The following EIF2S3 variants were observed in gnomAD, a reference collection of about 807,000 sequenced individuals.
The protein encoded by EIF2S3 is eukaryotic translation initiation factor 2 subunit 3.
Under a neutral mutation model 31.7 loss-of-function variants are expected in EIF2S3, and 2 were observed. The ratio of observed to expected loss-of-function variants is 0.06; its 90% CI spans 0.03 to 0.20. EIF2S3 has a LOEUF of 0.20. EIF2S3 is among the 10% of genes least tolerant of loss of function. The pLI is 1.00. For synonymous variants in EIF2S3, 120 were observed against 126.7 expected (o/e 0.95, Z 0.36); for missense variants, 96 against 359.3 (o/e 0.27, Z 5.92).
intron 11 of EIF2S3, 81 bp downstream of exon 11, chrX:24,073,344 G>C: frequency 3.7e-6 from 4 of 1,076,607 alleles, no homozygotes; most frequent in Non-Finnish European, 5.0e-6. Context: ...AATCTTCCTT[G>C]AGGACAACAG....
Position 24,076,929 on chromosome X carries a change from T to C in EIF2S3, c.*144T>C, listed in dbSNP as rs1190945241. On this transcript the variant is annotated 3_prime_UTR_variant, in exon 12 of 12. Transcript: ENST00000253039. ...TAGGTAACGGTAAGGTTATTCTCTTTTTTTTTTTTTTTTTTTTTGGTTATG... is the reference window on the plus strand; with the variant it reads ...TAGGTAACGGTAAGGTTATTCTCTTCTTTTTTTTTTTTTTTTTTGGTTATG... The C allele has an allele frequency of 3.8e-5, 10 of 263,326 alleles. No homozygotes were observed. The East Asian group carries it at 4.5e-4, about 12-fold the overall frequency. The allele number at this position is 263,326 out of a possible 1,213,427, so 21.7% of individuals were successfully genotyped here.
At chrX:24,065,896 A>G in intron 7 of EIF2S3, 102 bp from the exon 8 acceptor site, 4 of 704,001 alleles carry the variant, frequency 5.7e-6, no homozygotes, top group Non-Finnish European at 8.5e-6. Context: ...CCCCTTTGGT[A>G]TAAATCTCAA....
chrX:24,070,451 T>TG (rs1930651665), intron 9 of EIF2S3, among the ~76,000 whole-genome samples: 1 of 83,030 alleles, frequency 1.2e-5, no homozygotes, highest in Non-Finnish European at 2.4e-5. Flanking sequence ...TTTTTTTTTT[T>TG]TTTTTTTTTT....
rs373279652 is a variant in EIF2S3 at position 24,077,720 on chromosome X, G to A, written c.*935G>A. ...CTGGCCTGAAACACGGGAAACCAGA[G>A]TCAAAAGTTATCTCCCTCTCCCTGT... On this transcript the variant is annotated 3_prime_UTR_variant, in exon 12 of 12. Coordinates refer to ENST00000253039, the MANE Select transcript of EIF2S3 (RefSeq NM_001415.4). The A allele has an allele frequency of 8.9e-6, 1 of 111,850 alleles. No homozygotes were observed. Among genetic ancestry groups the A allele is most frequent in the African/African-American group, 3.2e-5 (1 of 30,800 alleles). 9.2% of individuals were successfully genotyped at this position (111,850 alleles called of 1,213,427 possible).
chrX:24,070,059 A>G (rs1352761569), intron 9 of EIF2S3, among the ~76,000 whole-genome samples: 2 of 110,229 alleles, frequency 1.8e-5, no homozygotes, highest in African/African-American at 6.6e-5. Flanking sequence ...ACTCAGCTTC[A>G]GCAATTATTA....
At chrX:24,074,862 C>CTTCT (rs1555984976) in intron 11 of EIF2S3, among the ~76,000 whole-genome samples, 4 of 47,474 alleles carry the variant, frequency 8.4e-5, no homozygotes, top group African/African-American at 3.8e-4. Flanking sequence ...TTTTCTTCTT[C>CTTCT]TTTTTTTTTT....
intron 8 of EIF2S3, 60 bp downstream of exon 8, chrX:24,066,152 GT>G: frequency 2.4e-6 from 2 of 836,962 alleles, no homozygotes; most frequent in Non-Finnish European, 3.3e-6. Context: ...TTGTTTGTTT[GT>G]TTTATCCTTG....
intron 4 of EIF2S3, 93 bp from the exon 5 acceptor site, chrX:24,059,995 A>G: frequency 1.5e-6 from 1 of 671,005 alleles, no homozygotes; most frequent in Non-Finnish European, 2.3e-6. Context: ...CAATAAGATT[A>G]TTTCCTAAGT....
intron 4 of EIF2S3, among the ~76,000 whole-genome samples, chrX:24,058,536 C>CTTTTTTT (rs1183377998): frequency 6.0e-5 from 5 of 83,077 alleles, no homozygotes; most frequent in Non-Finnish European, 8.8e-5. Flanking sequence ...TTTTTTCTTT[C>CTTTTTTT]TTTTTTTTTT....
intron 9 of EIF2S3, among the ~76,000 whole-genome samples, chrX:24,070,475 C>T (rs1930652889): frequency 1.4e-5 from 1 of 71,184 alleles, no homozygotes; most frequent in Non-Finnish European, 2.5e-5. Context: ...GAGTCTCACT[C>T]TGTCGCCCAG....
chrX:24,063,969 A>G (rs1336634667), intron 6 of EIF2S3, among the ~76,000 whole-genome samples: 4 of 111,991 alleles, frequency 3.6e-5, no homozygotes, highest in Non-Finnish European at 7.5e-5. Flanking sequence ...GTCTACTAAT[A>G]TAATGTAACA....
At chrX:24,055,109 G>T in intron 1 of EIF2S3, 72 bp downstream of exon 1, 1 of 1,107,169 alleles carries the variant, frequency 9.0e-7, no homozygotes, top group South Asian at 1.9e-5. Context: ...GGTGGTATTG[G>T]GACTAGTCAG....
At chrX:24,057,607 A>G (rs1174257415) in intron 3 of EIF2S3, 26 bp from the exon 4 acceptor site, 1 of 1,210,139 alleles carries the variant, frequency 8.3e-7, no homozygotes, top group Non-Finnish European at 1.1e-6. Context: ...ATAACAAATC[A>G]AAATCTTTTT....
intron 10 of EIF2S3, 22 bp downstream of exon 10, chrX:24,071,749 CCTGTT>C (rs1930672768): frequency 8.3e-7 from 1 of 1,199,059 alleles, no homozygotes; most frequent in South Asian, 1.8e-5. Context: ...TTTAAAAATT[CCTGTT>C]TCTAAAAAAG....
intron 1 of EIF2S3, 120 bp downstream of exon 1, chrX:24,055,157 A>C: frequency 1.2e-6 from 1 of 854,601 alleles, no homozygotes; most frequent in Non-Finnish European, 1.7e-6. Context: ...GTCAGGAGGG[A>C]GACCTGGAAC....
chrX:24,069,971 G>A (rs368221831), intron 9 of EIF2S3, among the ~76,000 whole-genome samples: 21 of 109,862 alleles, frequency 1.9e-4, no homozygotes, highest in East Asian at 1.1e-3. Flanking sequence ...GATTACAGGC[G>A]TGAGCCACCA....
At chrX:24,071,850 T>A in intron 10 of EIF2S3, 123 bp downstream of exon 10, 3 of 784,719 alleles carry the variant, frequency 3.8e-6, no homozygotes, top group South Asian at 3.2e-5. Context: ...GGTAAATAAA[T>A]TTGACCTCCC....
rs1930772859 is a variant in EIF2S3, at chrX:24,077,424, A to G, written c.*639A>G. 1 of 112,010 alleles carries G rather than the reference A, an allele frequency of 8.9e-6. No individual in the cohort carries two copies. 9.2% of individuals were successfully genotyped at this position (112,010 alleles called of 1,213,427 possible). A position where few individuals can be genotyped will look rare whatever the true frequency, so the allele number is the denominator to read the frequency against. On this transcript the variant is annotated 3_prime_UTR_variant, in exon 12 of 12. Coordinates refer to ENST00000253039, the MANE Select transcript of EIF2S3 (RefSeq NM_001415.4). Reference sequence around the variant, plus strand: ...AACCAGCCTTTGCTGTAGCACACACATATATCACTGAACCTGTTTGAAATA... The same window carrying G: ...AACCAGCCTTTGCTGTAGCACACACGTATATCACTGAACCTGTTTGAAATA...
intron 6 of EIF2S3, among the ~76,000 whole-genome samples, chrX:24,062,838 TA>T (rs929525467): frequency 7.2e-5 from 8 of 111,341 alleles, no homozygotes; most frequent in Admixed American, 4.9e-4. Context: ...TCAATCAGAT[TA>T]AAAAAAATCT....
Sources: gnomAD v4.1 joint callset for allele counts (sites outside exome capture counted in the v4.1 genomes callset) on GRCh38, gnomAD v4.1.1 for gene constraint, MANE v1.5 for transcripts, NCBI Gene and HGNC (gene_info 2026-07-23, HGNC 2026-07-21) for gene names.